The following PTPRD variants were observed in gnomAD, a reference collection of about 807,000 sequenced individuals.
PTPRD encodes the protein receptor-type tyrosine-protein phosphatase delta.
A neutral mutation model predicts 214.5 loss-of-function variants in PTPRD; 34 were observed. That is an observed-to-expected ratio of 0.16 (90% CI 0.12 to 0.21). The LOEUF (loss-of-function observed/expected upper bound fraction) is 0.21. Among genes scored for constraint, PTPRD ranks in the 10% least tolerant of loss-of-function variants. The pLI, the probability that PTPRD is intolerant of heterozygous loss-of-function variation, is 1.00. For synonymous variants in PTPRD, 1,128 were observed against 845.7 expected, an observed-to-expected ratio of 1.33 and a Z score of -5.79; for missense variants, 2,545 against 2,398.7, an observed-to-expected ratio of 1.06 and a Z score of -1.27.
At chr9:8,919,736 CACAT>C (rs965477276) in intron 11 of PTPRD, among the ~76,000 whole-genome samples, 1 of 151,182 alleles carries the variant, frequency 6.6e-6, no homozygotes, top group Admixed American at 6.6e-5. Context: ...TGCATGCACA[CACAT>C]ACATGTATAC....
At chr9:8,344,987 G>C (rs1856214163) in intron 39 of PTPRD, among the ~76,000 whole-genome samples, 1 of 47,444 alleles carries the variant, frequency 2.1e-5, no homozygotes, top group South Asian at 6.2e-4. Context: ...AGCTGACAAT[G>C]AGAAACAAGC....
intron 8 of PTPRD, among the ~76,000 whole-genome samples, chr9:9,432,235 T>C (rs1202719112): frequency 6.6e-6 from 1 of 152,026 alleles, no homozygotes; most frequent in Non-Finnish European, 1.5e-5. Flanking sequence ...AATCTAGTAT[T>C]AAAAGTGGGG....
intron 9 of PTPRD, among the ~76,000 whole-genome samples, chr9:9,317,645 A>G (rs2135810128): frequency 1.3e-5 from 2 of 152,154 alleles, no homozygotes; most frequent in Middle Eastern, 3.4e-3. Flanking sequence ...TGCTGATGTT[A>G]TATTTTGAAA....
At chr9:8,926,454 A>G (rs534887254) in intron 11 of PTPRD, among the ~76,000 whole-genome samples, 1 of 152,230 alleles carries the variant, frequency 6.6e-6, no homozygotes, top group South Asian at 2.1e-4. Context: ...CTAATACTTT[A>G]TGGTAAGCGT....
At chr9:8,544,671 T>C (rs1023090586) in intron 14 of PTPRD, among the ~76,000 whole-genome samples, 20 of 150,888 alleles carry the variant, frequency 1.3e-4, no homozygotes, top group Non-Finnish European at 2.5e-4. Flanking sequence ...GGTTTCACCA[T>C]GCTGGACAGG....
At chr9:8,919,836 A>ATGCGTGCATGTATCATGCATACATAGATG (rs2098813240) in intron 11 of PTPRD, among the ~76,000 whole-genome samples, 14 of 121,374 alleles carry the variant, frequency 1.2e-4, no homozygotes, top group Non-Finnish European at 2.8e-4. Flanking sequence ...ACATGCATAC[A>ATGCGTGCATGTATCATGCATACATAGATG]TACGTGCATG....
At chr9:9,814,794 ACT>A (rs1491249456) in intron 5 of PTPRD, among the ~76,000 whole-genome samples, 57 of 116,682 alleles carry the variant, frequency 4.9e-4, no homozygotes, top group African/African-American at 1.9e-3. Context: ...TACCAAAGTG[ACT>A]TTTTTTTTTT....
At chr9:9,376,068 T>C (rs1296016950) in intron 9 of PTPRD, among the ~76,000 whole-genome samples, 1 of 116,434 alleles carries the variant, frequency 8.6e-6, no homozygotes, top group African/African-American at 4.2e-5. Flanking sequence ...AATGAGAACT[T>C]GCTCATCATT....
intron 11 of PTPRD, among the ~76,000 whole-genome samples, chr9:8,971,300 A>G (rs1484105563): frequency 6.6e-6 from 1 of 151,772 alleles, no homozygotes; most frequent in Non-Finnish European, 1.5e-5. Context: ...CAAGATATAG[A>G]CACATATAAT....
chr9:10,527,595 G>T (rs933220013), intron 2 of PTPRD, among the ~76,000 whole-genome samples: 2 of 152,064 alleles, frequency 1.3e-5, no homozygotes, highest in African/African-American at 4.8e-5. Context: ...GAACACTAGA[G>T]ATGTAAACCA....
At chr9:10,360,309 G>C (rs1340784811) in intron 2 of PTPRD, among the ~76,000 whole-genome samples, 1 of 152,100 alleles carries the variant, frequency 6.6e-6, no homozygotes, top group Non-Finnish European at 1.5e-5. Flanking sequence ...ATTTAGAAAG[G>C]GTATTTTAAG....
intron 5 of PTPRD, among the ~76,000 whole-genome samples, chr9:9,918,364 A>AAC (rs1555333324): frequency 3.1e-4 from 46 of 150,680 alleles, no homozygotes; most frequent in Non-Finnish European, 5.5e-4. Context: ...AAAAAAAAAA[A>AAC]AAAAAACTCC....
At chr9:9,441,511 G>A (rs961898563) in intron 8 of PTPRD, among the ~76,000 whole-genome samples, 1 of 152,140 alleles carries the variant, frequency 6.6e-6, no homozygotes, top group Non-Finnish European at 1.5e-5. Flanking sequence ...GGCAAAAGGT[G>A]ATGATGGAGG....
chr9:9,631,512 T>C (rs529386396), intron 7 of PTPRD, among the ~76,000 whole-genome samples: 3 of 152,296 alleles, frequency 2.0e-5, no homozygotes, highest in Non-Finnish European at 4.4e-5. Context: ...ATTCAAAGTA[T>C]AGGGCCTTTT....
chr9:9,870,780 C>G (rs1446746305), intron 5 of PTPRD, among the ~76,000 whole-genome samples: 1 of 151,952 alleles, frequency 6.6e-6, no homozygotes, highest in Non-Finnish European at 1.5e-5. Flanking sequence ...ACACACACTC[C>G]AGGGGAAATT....
At chr9:10,344,114 C>A (rs1401416007) in intron 2 of PTPRD, among the ~76,000 whole-genome samples, 1 of 148,548 alleles carries the variant, frequency 6.7e-6, no homozygotes, top group African/African-American at 2.5e-5. Context: ...ATGCCTATGT[C>A]CTGAATGGTA....
intron 11 of PTPRD, among the ~76,000 whole-genome samples, chr9:8,828,988 A>G (rs1169360871): frequency 1.3e-5 from 2 of 152,224 alleles, no homozygotes; most frequent in Non-Finnish European, 2.9e-5. Flanking sequence ...ATACTCTATC[A>G]CACTGTGCCA....
At chr9:8,792,743 T>C (rs1223676875) in intron 11 of PTPRD, among the ~76,000 whole-genome samples, 1 of 152,218 alleles carries the variant, frequency 6.6e-6, no homozygotes, top group Non-Finnish European at 1.5e-5. Flanking sequence ...AAGCCTCCAC[T>C]AGAGGTAAAG....
chr9:9,865,947 C>T (rs76671056), intron 5 of PTPRD, among the ~76,000 whole-genome samples: 13,477 of 152,140 alleles, frequency 0.089, 696 homozygotes, highest in South Asian at 0.17. Context: ...TCAGTGTGTT[C>T]CTCCCATCTG....
Sources: gnomAD v4.1 joint callset for allele counts (sites outside exome capture counted in the v4.1 genomes callset) on GRCh38, gnomAD v4.1.1 for gene constraint, MANE v1.5 for transcripts, NCBI Gene and HGNC (gene_info 2026-07-23, HGNC 2026-07-21) for gene names.